FLRT2: variants seen among roughly 807,000 people sequenced by gnomAD.
FLRT2 encodes the protein fibronectin leucine rich transmembrane protein 2.
Under a neutral mutation model 40.0 loss-of-function variants are expected in FLRT2, and 15 were observed. The ratio of observed to expected loss-of-function variants is 0.38; its 90% CI spans 0.25 to 0.58. FLRT2 has a LOEUF of 0.58. FLRT2 is among the 20% of genes least tolerant of loss of function. The pLI, the probability that FLRT2 is intolerant of heterozygous loss-of-function variation, is 0.71. For synonymous variants in FLRT2, 380 were observed against 336.8 expected, an observed-to-expected ratio of 1.13 and a Z score of -1.41; for missense variants, 726 against 840.0, an observed-to-expected ratio of 0.86 and a Z score of 1.68.
intron 1 of FLRT2, among the ~76,000 whole-genome samples, chr14:85,572,789 C>A (rs1452015518): frequency 2.0e-5 from 3 of 152,236 alleles, no homozygotes; most frequent in Non-Finnish European, 2.9e-5. Context: ...TTGACTTACT[C>A]TTCATAGTAG....
At chr14:85,609,236 G>A (rs533457031) in intron 1 of FLRT2, among the ~76,000 whole-genome samples, 2 of 152,264 alleles carry the variant, frequency 1.3e-5, no homozygotes, top group Middle Eastern at 6.8e-3. Context: ...TGGAATCTGG[G>A]CACCCAAGAT....
At chr14:85,537,203 C>G (rs1888710768) in intron 1 of FLRT2, among the ~76,000 whole-genome samples, 2 of 152,080 alleles carry the variant, frequency 1.3e-5, no homozygotes, top group African/African-American at 4.8e-5. Flanking sequence ...TGAGGGTTTT[C>G]AGATAGAAAT....
In FLRT2 at chr14:85,626,307, T is replaced by C. The variant is rs754294662; in HGVS notation, c.*2810T>C. 1 of 167,094 alleles carries C rather than the reference T, an allele frequency of 6.0e-6. No individual in the cohort carries two copies. Among genetic ancestry groups the C allele is most frequent in the Non-Finnish European group, 1.5e-5 (1 of 68,130 alleles). The allele number at this position is 167,094 out of a possible 1,614,324, so 10.4% of individuals were successfully genotyped here. On this transcript the variant is annotated 3_prime_UTR_variant, in exon 2 of 2. Coordinates refer to ENST00000330753, the MANE Select transcript of FLRT2 (RefSeq NM_013231.6). The stretch of plus-strand genomic sequence containing the variant: ...TATATCTGCTCTGTGTTTGGGCCTC[T>C]CTTGCTGTCATTATGATGTATTTTG...
chr14:85,584,886 T>C (rs1595054851), intron 1 of FLRT2, among the ~76,000 whole-genome samples: 1 of 88,292 alleles, frequency 1.1e-5, no homozygotes, highest in Non-Finnish European at 2.0e-5. Context: ...TCATTGCAAA[T>C]GGGGCCGTAT....
At chr14:85,599,878 C>T (rs1892307635) in intron 1 of FLRT2, among the ~76,000 whole-genome samples, 1 of 151,914 alleles carries the variant, frequency 6.6e-6, no homozygotes, top group Non-Finnish European at 1.5e-5. Flanking sequence ...ATCCAAGATC[C>T]GAATAAAAAG....
chr14:85,595,847 T>A (rs1892117027), intron 1 of FLRT2, among the ~76,000 whole-genome samples: 1 of 152,222 alleles, frequency 6.6e-6, no homozygotes, highest in Admixed American at 6.5e-5. Context: ...GTTTGCTATG[T>A]TTTCTTGACT....
chr14:85,606,811 C>T (rs970414723), intron 1 of FLRT2, among the ~76,000 whole-genome samples: 1 of 151,072 alleles, frequency 6.6e-6, no homozygotes, highest in Non-Finnish European at 1.5e-5. Context: ...CTTGAGCCAC[C>T]GCACCCGGCC....
intron 1 of FLRT2, among the ~76,000 whole-genome samples, chr14:85,601,737 A>C (rs986920966): frequency 2.6e-5 from 4 of 152,244 alleles, no homozygotes; most frequent in Non-Finnish European, 5.9e-5. Context: ...AAGATGCATC[A>C]GAGAAAACTT....
At chr14:85,593,477 T>TGATTCAATAA (rs71120526) in intron 1 of FLRT2, among the ~76,000 whole-genome samples, 1 of 151,574 alleles carries the variant, frequency 6.6e-6, no homozygotes, top group African/African-American at 2.4e-5. Context: ...GAAACTCTGT[T>TGATTCAATAA]GATTGAAAAT....
At position 85,645,643 on chromosome 14, in the gene FLRT2, A is replaced by G. The variant is rs772493360; in HGVS notation, c.*22146A>G. 4 of 152,194 alleles carry G rather than the reference A, an allele frequency of 2.6e-5. No individual in the cohort carries two copies. Among genetic ancestry groups the G allele is most frequent in the Non-Finnish European group, 4.4e-5 (3 of 68,036 alleles). 9.4% of individuals were successfully genotyped at this position (152,194 alleles called of 1,614,324 possible). A position where few individuals can be genotyped will look rare whatever the true frequency, so the allele number is the denominator to read the frequency against. On this transcript the variant is annotated 3_prime_UTR_variant, in exon 2 of 2. Coordinates refer to ENST00000330753, the MANE Select transcript of FLRT2 (RefSeq NM_013231.6). ...CAGAACCTATGAGAATATTCATGCCACATGTTATTTCTTTTCAGAAGATCT... is the reference window on the plus strand; with the variant it reads ...CAGAACCTATGAGAATATTCATGCCGCATGTTATTTCTTTTCAGAAGATCT...
chr14:85,591,435 G>A (rs1030086601), intron 1 of FLRT2, among the ~76,000 whole-genome samples: 2 of 152,170 alleles, frequency 1.3e-5, no homozygotes, highest in African/African-American at 4.8e-5. Context: ...TTTCATAGAA[G>A]CTGAGGACAC....
Position 85,647,984 on chromosome 14 carries a change from T to C in FLRT2, c.*24487T>C, listed in dbSNP as rs527365351. ...GTTCTCTTCTTTGCCTTGTTATGCA[T>C]GTACTGACTTTTTACCTCTTTCTTT... On this transcript the variant is annotated 3_prime_UTR_variant, in exon 2 of 2. Coordinates refer to ENST00000330753, the MANE Select transcript of FLRT2 (RefSeq NM_013231.6). 6.6e-6 allele frequency: 1 copy of C among 152,294 alleles called. No homozygotes were observed. Among genetic ancestry groups the C allele is most frequent in the East Asian group, 1.9e-4 (1 of 5,178 alleles). The allele number at this position is 152,294 out of a possible 1,614,324, so 9.4% of individuals were successfully genotyped here.
At chr14:85,601,905 G>A (rs1244299988) in intron 1 of FLRT2, among the ~76,000 whole-genome samples, 1 of 152,140 alleles carries the variant, frequency 6.6e-6, no homozygotes, top group African/African-American at 2.4e-5. Flanking sequence ...AGGTCACCGT[G>A]GAATGTTTTG....
At chr14:85,576,259 G>C (rs1345279079) in intron 1 of FLRT2, among the ~76,000 whole-genome samples, 1 of 152,098 alleles carries the variant, frequency 6.6e-6, no homozygotes, top group African/African-American at 2.4e-5. Flanking sequence ...TTAATTATAA[G>C]TATTTACTTT....
chr14:85,614,503 C>T (rs1425373185), intron 1 of FLRT2, among the ~76,000 whole-genome samples: 2 of 152,182 alleles, frequency 1.3e-5, no homozygotes, highest in African/African-American at 4.8e-5. Context: ...TCCACAACAT[C>T]AGATCAGACC....
chr14:85,614,851 G>A (rs1893054936), intron 1 of FLRT2, among the ~76,000 whole-genome samples: 1 of 152,152 alleles, frequency 6.6e-6, no homozygotes, highest in Admixed American at 6.5e-5. Context: ...ATCTGTTTGA[G>A]CAAATGAATG....
chr14:85,576,584 A>G (rs1190604309), intron 1 of FLRT2, among the ~76,000 whole-genome samples: 1 of 152,228 alleles, frequency 6.6e-6, no homozygotes, highest in Non-Finnish European at 1.5e-5. Context: ...CTTTTAAGGA[A>G]AGCCAAAGAC....
intron 1 of FLRT2, among the ~76,000 whole-genome samples, chr14:85,591,617 A>G (rs913464806): frequency 6.6e-6 from 1 of 152,230 alleles, no homozygotes; most frequent in African/African-American, 2.4e-5. Flanking sequence ...GTTACAGAGC[A>G]GGTTGTAATT....
rs1333278120 is a variant in FLRT2 at position 85,645,187 on chromosome 14, T to TATATATGTATATAC, written c.*21701_*21702insTACATATATGTATA. ...ATGTGTGTATGTATATGTATACCTA[T>TATATATGTATATAC]ATATATGTATACATATGTATATATG... On this transcript the variant is annotated 3_prime_UTR_variant, in exon 2 of 2. Coordinates refer to ENST00000330753, the MANE Select transcript of FLRT2 (RefSeq NM_013231.6). 2 of 150,268 alleles carry TATATATGTATATAC rather than the reference T, an allele frequency of 1.3e-5. No individual in the cohort carries two copies. Among genetic ancestry groups the TATATATGTATATAC allele is most frequent in the Non-Finnish European group, 2.9e-5 (2 of 67,960 alleles). The allele number at this position is 150,268 out of a possible 1,614,324, so 9.3% of individuals were successfully genotyped here. A position where few individuals can be genotyped will look rare whatever the true frequency, so the allele number is the denominator to read the frequency against.
Sources: gnomAD v4.1 joint callset for allele counts (sites outside exome capture counted in the v4.1 genomes callset) on GRCh38, gnomAD v4.1.1 for gene constraint, MANE v1.5 for transcripts, NCBI Gene and HGNC (gene_info 2026-07-23, HGNC 2026-07-21) for gene names.